Variants in AGTPBP1 observed in about 807,000 individuals in gnomAD.
AGTPBP1 encodes ATP/GTP binding carboxypeptidase 1.
In AGTPBP1, 70 loss-of-function variants were observed where a neutral mutation model predicts 143.9. The ratio of observed to expected loss-of-function variants is 0.49; its 90% CI spans 0.40 to 0.59. The LOEUF (loss-of-function observed/expected upper bound fraction) is 0.59, where lower values mean the gene tolerates loss of function less well. Among genes scored for constraint, AGTPBP1 ranks in the 20% least tolerant of loss-of-function variants. The probability of loss-of-function intolerance (pLI) is 0.00; values close to 1 mark genes in which losing one functional copy is unlikely to be tolerated. For synonymous variants in AGTPBP1, 463 were observed against 500.2 expected (o/e 0.93, Z 0.99); for missense variants, 1,229 against 1,464.5 (o/e 0.84, Z 2.62).
chr9:85,675,192 G>A (rs115661807), intron 6 of AGTPBP1, among the ~76,000 whole-genome samples: 1,625 of 151,730 alleles, frequency 0.011, 39 homozygotes, highest in African/African-American at 0.036. Context: ...CACCGTACCC[G>A]GCCAAAGGCA....
At chr9:85,805,473 C>T in the AGTPBP1 span, 1 of 151,934 alleles carries the variant, frequency 6.6e-6, no homozygotes, top group African/African-American at 2.4e-5. Flanking sequence ...GAGCCTGCCC[C>T]CAGCTCTGCC....
intron 18 of AGTPBP1, among the ~76,000 whole-genome samples, chr9:85,595,754 T>G (rs1383523811): frequency 6.6e-6 from 1 of 152,144 alleles, no homozygotes; most frequent in African/African-American, 2.4e-5. Flanking sequence ...CTCAAACTCC[T>G]GACCTCAGGT....
At chr9:85,776,733 A>G in the AGTPBP1 span, among the ~76,000 whole-genome samples, 2 of 152,132 alleles carry the variant, frequency 1.3e-5, no homozygotes, top group Non-Finnish European at 2.9e-5. Context: ...GTTTAATGGA[A>G]TCATTGTTGT....
chr9:85,725,350 G>C (rs945120916), intron 1 of AGTPBP1, among the ~76,000 whole-genome samples: 1 of 152,124 alleles, frequency 6.6e-6, no homozygotes, highest in Admixed American at 6.6e-5. Context: ...AGCAATGGCA[G>C]TATTGACAGT....
intron 1 of AGTPBP1, among the ~76,000 whole-genome samples, chr9:85,721,490 CTTT>C (rs56681803): frequency 0.026 from 3,527 of 133,170 alleles, 50 homozygotes; most frequent in African/African-American, 0.046. Flanking sequence ...GCAACCCCTG[CTTT>C]TTTTTTTTTT....
intron 12 of AGTPBP1, 99 bp from the exon 13 acceptor site, chr9:85,643,042 G>A: frequency 1.3e-6 from 1 of 746,426 alleles, no homozygotes; most frequent in Non-Finnish European, 2.2e-6. Flanking sequence ...TTAATTACAT[G>A]TAATTAAAGA....
At chr9:85,634,893 T>C (rs139233688) in intron 13 of AGTPBP1, among the ~76,000 whole-genome samples, 160 of 152,290 alleles carry the variant, frequency 1.1e-3, no homozygotes, top group Middle Eastern at 3.4e-3. Context: ...CCAGTAACTA[T>C]ACATAAGAGT....
intron 25 of AGTPBP1, among the ~76,000 whole-genome samples, chr9:85,559,218 T>TGATG (rs1826541294): frequency 6.6e-6 from 1 of 152,198 alleles, no homozygotes; most frequent in African/African-American, 2.4e-5. Flanking sequence ...AAATGTAGTG[T>TGATG]TGCATCAGAT....
the AGTPBP1 span, among the ~76,000 whole-genome samples, chr9:85,760,989 GC>G: frequency 6.6e-6 from 1 of 152,110 alleles, no homozygotes; most frequent in Non-Finnish European, 1.5e-5. Context: ...CAAACAGAGA[GC>G]CAAATCATGA....
intron 17 of AGTPBP1, among the ~76,000 whole-genome samples, chr9:85,613,697 T>C (rs561590660): frequency 8.9e-4 from 135 of 152,222 alleles, no homozygotes; most frequent in African/African-American, 3.1e-3. Flanking sequence ...AAAACATATG[T>C]TATTTAAACT....
Position 85,672,665 on chromosome 9 carries a change from T to A in AGTPBP1, c.453A>T (p.Val151=). The A allele has an allele frequency of 6.3e-7, 1 of 1,596,996 alleles. No homozygotes were observed. Among genetic ancestry groups the A allele is most frequent in the Non-Finnish European group, 8.5e-7 (1 of 1,174,270 alleles). Residue 151 remains valine (V), a synonymous_variant, in exon 7 of 26, where the codon GTA becomes GTT. Transcript: ENST00000357081. ...TCAGAGCCCCATTAATTCTAGCCTT[T>A]ACTCCAAATTTTTTATCTGTTTAAA... is the stretch of plus-strand genomic sequence containing the variant. The part of the protein sequence containing the change: ...KIGPKDKKFG[V]KARINGALNI...
intron 25 of AGTPBP1, among the ~76,000 whole-genome samples, chr9:85,571,638 CTTAA>C (rs1203292258): frequency 2.6e-5 from 4 of 152,144 alleles, no homozygotes; most frequent in Non-Finnish European, 2.9e-5. Context: ...CAGATACCAT[CTTAA>C]TTAAATGATC....
At chr9:85,776,213 G>T in the AGTPBP1 span, among the ~76,000 whole-genome samples, 1 of 152,184 alleles carries the variant, frequency 6.6e-6, no homozygotes, top group Non-Finnish European at 1.5e-5. Flanking sequence ...AAGGAAAAAG[G>T]AAATAAAATG....
At chr9:85,708,086 AAAG>A (rs989778030) in intron 2 of AGTPBP1, among the ~76,000 whole-genome samples, 5 of 152,190 alleles carry the variant, frequency 3.3e-5, no homozygotes, top group African/African-American at 1.2e-4. Flanking sequence ...AATTTTAAAA[AAAG>A]AAGAAGAAAT....
intron 25 of AGTPBP1, among the ~76,000 whole-genome samples, chr9:85,564,915 A>G (rs1405828872): frequency 3.3e-5 from 5 of 152,198 alleles, no homozygotes; most frequent in Non-Finnish European, 1.5e-5. Flanking sequence ...TGAGAAGGAC[A>G]TGAATTTTGG....
At chr9:85,550,647 G>A (rs1375303462) in intron 25 of AGTPBP1, among the ~76,000 whole-genome samples, 8 of 152,060 alleles carry the variant, frequency 5.3e-5, no homozygotes, top group Admixed American at 4.6e-4. Context: ...GCATGGACTT[G>A]CCAGATATAG....
At chr9:85,765,706 A>T in the AGTPBP1 span, among the ~76,000 whole-genome samples, 4 of 152,168 alleles carry the variant, frequency 2.6e-5, no homozygotes, top group African/African-American at 9.7e-5. Context: ...TACCAAACCA[A>T]GGGAAAATTG....
intron 17 of AGTPBP1, among the ~76,000 whole-genome samples, chr9:85,609,903 A>G (rs1564061137): frequency 2.0e-5 from 3 of 152,212 alleles, no homozygotes; most frequent in Admixed American, 2.0e-4. Context: ...AGATAGTCTC[A>G]AAGTACCTCA....
chr9:85,730,720 G>A (rs1838822430), intron 1 of AGTPBP1, among the ~76,000 whole-genome samples: 2 of 152,134 alleles, frequency 1.3e-5, no homozygotes, highest in South Asian at 4.1e-4. Flanking sequence ...AGTTCATCTG[G>A]AAGATGGAAA....
Sources: allele counts gnomAD v4.1 joint callset (sites outside exome capture counted in the v4.1 genomes callset), GRCh38; gene constraint gnomAD v4.1.1; transcripts MANE v1.5; gene names NCBI Gene and HGNC (gene_info 2026-07-23, HGNC 2026-07-21).